The following PHF21A variants were observed in gnomAD, a reference collection of about 807,000 sequenced individuals.
The protein encoded by PHF21A is PHD finger protein 21A.
Under a neutral mutation model 82.5 loss-of-function variants are expected in PHF21A, and 11 were observed. That is an observed-to-expected ratio of 0.13 (90% CI 0.08 to 0.22). The LOEUF is 0.22. Ranked by LOEUF, PHF21A falls within the 10% of genes least tolerant of loss-of-function variation. The pLI is 1.00. For synonymous variants in PHF21A, 297 were observed against 302.8 expected (o/e 0.98, Z 0.20); for missense variants, 579 against 837.8 (o/e 0.69, Z 3.81).
chr11:45,987,278 G>GTATGTATGTATGTATA, intron 6 of PHF21A, among the ~76,000 whole-genome samples: 1 of 151,880 alleles, frequency 6.6e-6, no homozygotes, highest in East Asian at 1.9e-4. Flanking sequence ...ATGTATGTAT[G>GTATGTATGTATGTATA]TATGTAACCT....
At chr11:45,949,617 A>C in intron 12 of PHF21A, 136 bp from the exon 13 acceptor site, 1 of 747,338 alleles carries the variant, frequency 1.3e-6, no homozygotes. Flanking sequence ...AAGCCTCAGC[A>C]GAGGCAAGCA....
chr11:45,931,777 G>A lies in PHF21A; in HGVS notation c.*2191C>T, dbSNP rs964387987. The A allele has an allele frequency of 2.6e-5, 4 of 152,390 alleles. No homozygotes were observed. The highest frequency in any genetic ancestry group is 7.2e-5 in the African/African-American group (3 of 41,436). The allele number at this position is 152,390 out of a possible 1,614,324, so 9.4% of individuals were successfully genotyped here. On this transcript the variant is annotated 3_prime_UTR_variant, in exon 19 of 19. Transcript: ENST00000676320. ...ACAGAGCCTCCACCGCCCTCCCATC[G>A]GCCAGGGGCACGCAAGGGGCAAAGG...
chr11:46,098,327 C>T (rs1397179663), intron 1 of PHF21A, among the ~76,000 whole-genome samples: 2 of 152,150 alleles, frequency 1.3e-5, no homozygotes, highest in African/African-American at 4.8e-5. Context: ...ATATTAACTT[C>T]TATATGCTTG....
intron 7 of PHF21A, among the ~76,000 whole-genome samples, chr11:45,974,547 G>A (rs1310924751): frequency 6.6e-6 from 1 of 151,872 alleles, no homozygotes; most frequent in Non-Finnish European, 1.5e-5. Context: ...TTGACCTCCT[G>A]GGCTCAAGTA....
At chr11:46,003,363 T>C (rs1469869039) in intron 6 of PHF21A, among the ~76,000 whole-genome samples, 7 of 151,956 alleles carry the variant, frequency 4.6e-5, no homozygotes, top group Non-Finnish European at 5.9e-5. Flanking sequence ...TCGGTGTTAA[T>C]ACTGTTACAA....
chr11:46,117,844 C>T (rs1420165383), intron 1 of PHF21A: 1 of 152,234 alleles, frequency 6.6e-6, no homozygotes, highest in Non-Finnish European at 1.5e-5. Context: ...CGCAATCGCA[C>T]ATCTACTTTG....
intron 1 of PHF21A, among the ~76,000 whole-genome samples, chr11:46,094,612 C>T (rs1386859678): frequency 6.6e-6 from 1 of 152,174 alleles, no homozygotes; most frequent in African/African-American, 2.4e-5. Context: ...GAAATCCTGG[C>T]CGTGCACAGT....
At chr11:46,045,543 T>G (rs2096244547) in intron 6 of PHF21A, among the ~76,000 whole-genome samples, 1 of 152,134 alleles carries the variant, frequency 6.6e-6, no homozygotes. Flanking sequence ...TGGAAAAAAT[T>G]TATTTAGAGC....
chr11:45,970,860 T>G lies in PHF21A; in HGVS notation c.612+256A>C, dbSNP rs1246747349. On this transcript the variant is annotated intron_variant, in intron 8 of 18. Transcript: ENST00000676320. ...TGTGTATGCCTCTGTGAAGGAGACC[T>G]TCCCCCTAAAATCAAGTCATACTTT... 2.5e-5 allele frequency: 12 copies of G among 471,294 alleles called. No homozygotes were observed. The South Asian group carries it at 3.0e-4, about 12-fold the overall frequency. 29.2% of individuals were successfully genotyped at this position (471,294 alleles called of 1,614,324 possible). A position where few individuals can be genotyped will look rare whatever the true frequency, so the allele number is the denominator to read the frequency against.
In PHF21A at chr11:46,121,125, G is replaced by C. The variant is rs935715645; in HGVS notation, c.-427C>G. On this transcript the variant is annotated 5_prime_UTR_variant, in exon 1 of 19. Coordinates refer to ENST00000676320, the MANE Select transcript of PHF21A (RefSeq NM_001352027.3). ...TAGATATTAGTGTGTTAAGATGGTA[G>C]GTTGTTCCCTTCTCCCTCCTCCTCC... The C allele has an allele frequency of 6.6e-6, 1 of 152,116 alleles. No individual in the cohort carries two copies. 9.4% of individuals were successfully genotyped at this position (152,116 alleles called of 1,614,324 possible). A position where few individuals can be genotyped will look rare whatever the true frequency, so the allele number is the denominator to read the frequency against.
chr11:46,008,260 T>C (rs1388453472), intron 6 of PHF21A, among the ~76,000 whole-genome samples: 1 of 152,204 alleles, frequency 6.6e-6, no homozygotes, highest in Admixed American at 6.5e-5. Context: ...CTCAAAACAT[T>C]TGTGAGGTCT....
chr11:46,008,943 T>C (rs1443941149), intron 6 of PHF21A, among the ~76,000 whole-genome samples: 1 of 151,126 alleles, frequency 6.6e-6, no homozygotes, highest in Non-Finnish European at 1.5e-5. Flanking sequence ...CCCTGCTCAG[T>C]GAACTCAACA....
At chr11:46,113,552 G>A (rs372985613) in intron 1 of PHF21A, among the ~76,000 whole-genome samples, 77 of 152,186 alleles carry the variant, frequency 5.1e-4, no homozygotes, top group African/African-American at 1.6e-3. Flanking sequence ...TGTTTTGGCC[G>A]GGCGCGGTGG....
intron 1 of PHF21A, chr11:46,119,784 G>C (rs1185730579): frequency 9.3e-5 from 14 of 150,876 alleles, no homozygotes; most frequent in African/African-American, 2.9e-4. Context: ...CCGCTCAGCA[G>C]AATAAAGAGA....
At chr11:46,067,307 G>A (rs2096605966) in intron 6 of PHF21A, among the ~76,000 whole-genome samples, 1 of 152,116 alleles carries the variant, frequency 6.6e-6, no homozygotes, top group Non-Finnish European at 1.5e-5. Flanking sequence ...AAGTCTAGAG[G>A]GTAAGGTATG....
intron 6 of PHF21A, among the ~76,000 whole-genome samples, chr11:46,007,319 CT>C (rs929759044): frequency 7.9e-4 from 114 of 145,148 alleles, no homozygotes; most frequent in South Asian, 1.3e-3. Flanking sequence ...TCTTCTTCTT[CT>C]TTTTTTTTTT....
chr11:46,003,615 T>C (rs1382355222), intron 6 of PHF21A, among the ~76,000 whole-genome samples: 2 of 152,132 alleles, frequency 1.3e-5, no homozygotes, highest in Non-Finnish European at 2.9e-5. Flanking sequence ...ACTAGGATGA[T>C]GACTAGTACT....
In PHF21A at chr11:46,121,231, G is replaced by A. The variant is rs1853202372; in HGVS notation, c.-533C>T. On this transcript the variant is annotated 5_prime_UTR_variant, in exon 1 of 19. Transcript: ENST00000676320. ...GCTGTTTCTTTCCTCCTCTTCCCCA[G>A]GCAAGGGGGGGTGGGGAGGAGGGGG... 6.9e-6 allele frequency: 1 copy of A among 144,278 alleles called. No individual in the cohort carries two copies. Among genetic ancestry groups the A allele is most frequent in the Non-Finnish European group, 1.5e-5 (1 of 66,444 alleles). 8.9% of individuals were successfully genotyped at this position (144,278 alleles called of 1,614,324 possible). A position where few individuals can be genotyped will look rare whatever the true frequency, so the allele number is the denominator to read the frequency against.
At chr11:46,069,047 G>C (rs968090619) in intron 6 of PHF21A, among the ~76,000 whole-genome samples, 1 of 152,076 alleles carries the variant, frequency 6.6e-6, no homozygotes, top group Non-Finnish European at 1.5e-5. Flanking sequence ...CAAGAAGACA[G>C]GTAAAAAGGA....
Sources: allele counts gnomAD v4.1 joint callset (sites outside exome capture counted in the v4.1 genomes callset), GRCh38; gene constraint gnomAD v4.1.1; transcripts MANE v1.5; gene names NCBI Gene and HGNC (gene_info 2026-07-23, HGNC 2026-07-21).